The following DLGAP2 variants were observed in gnomAD, a reference collection of about 807,000 sequenced individuals.
The protein encoded by DLGAP2 is DLG associated protein 2, also known as disks large-associated protein 2.
A neutral mutation model predicts 100.3 loss-of-function variants in DLGAP2; 26 were observed. The observed-to-expected ratio is 0.26, with a 90% CI of 0.19 to 0.36. The LOEUF is 0.36. Among genes scored for constraint, DLGAP2 ranks in the 10% least tolerant of loss-of-function variants. The pLI is 1.00. For synonymous variants in DLGAP2, 886 were observed against 630.1 expected (o/e 1.41, Z -6.08); for missense variants, 1,858 against 1,453.2 (o/e 1.28, Z -4.53).
chr8:1,346,762 G>C (rs1046348450), intron 3 of DLGAP2, among the ~76,000 whole-genome samples: 7 of 141,898 alleles, frequency 4.9e-5, no homozygotes, highest in Non-Finnish European at 1.5e-5. Flanking sequence ...GCTGTGTGGA[G>C]GTTGAGTTCC....
intron 4 of DLGAP2, among the ~76,000 whole-genome samples, chr8:1,514,175 G>A (rs537044005): frequency 1.6e-4 from 24 of 152,380 alleles, no homozygotes; most frequent in African/African-American, 5.3e-4. Flanking sequence ...AATTCACAGT[G>A]ACGGGAAAGA....
intron 3 of DLGAP2, among the ~76,000 whole-genome samples, chr8:1,305,333 T>C (rs762828563): frequency 2.0e-4 from 31 of 152,368 alleles, no homozygotes; most frequent in Middle Eastern, 3.4e-3. Context: ...ATTGTGGGGC[T>C]ACTGAAGCTA....
chr8:1,595,308 A>T (rs1203658904), intron 6 of DLGAP2, among the ~76,000 whole-genome samples: 2 of 152,016 alleles, frequency 1.3e-5, no homozygotes, highest in African/African-American at 4.8e-5. Flanking sequence ...TAACATAAAT[A>T]ACATACAAAA....
chr8:1,697,038 C>A, intron 13 of DLGAP2, 109 bp from the exon 14 acceptor site: 1 of 1,205,226 alleles, frequency 8.3e-7, no homozygotes, highest in South Asian at 2.1e-5. Flanking sequence ...ATTAGCCAGG[C>A]TTCTCCCTAA....
At chr8:1,294,338 G>C (rs1434545085) in intron 3 of DLGAP2, among the ~76,000 whole-genome samples, 1 of 152,172 alleles carries the variant, frequency 6.6e-6, no homozygotes, top group Non-Finnish European at 1.5e-5. Context: ...CCTCGGAGAA[G>C]CCAGATTGTG....
intron 13 of DLGAP2, among the ~76,000 whole-genome samples, chr8:1,695,681 G>A (rs1799380325): frequency 6.6e-6 from 1 of 152,256 alleles, no homozygotes; most frequent in Non-Finnish European, 1.5e-5. Flanking sequence ...AGAAAGAGGG[G>A]ATGTTCTTAG....
Position 1,633,046 on chromosome 8 carries a change from G to T in DLGAP2, c.1810G>T (p.Ala604Ser). The T allele has an allele frequency of 6.2e-7, 1 of 1,613,940 alleles. No individual in the cohort carries two copies. Among genetic ancestry groups the T allele is most frequent in the Non-Finnish European group, 8.5e-7 (1 of 1,179,892 alleles). Residue 604 changes from alanine (A) to serine (S), a missense_variant and splice_region_variant, in exon 8 of 15, where the codon GCT becomes TCT. Physicochemically the swap from Ala to Ser is moderately conservative, Grantham distance 99 (BLOSUM62 1). Coordinates refer to ENST00000637795, the MANE Select transcript of DLGAP2 (RefSeq NM_001346810.2). The part of the protein sequence containing the change: ...DITSTIRSTA[A>S]VSYTNYKKTP... ...CACCTCCACCATCAGGTCAACAGCA[G>T]GTAAGGGGACGCCATTTTCAGCCTT...
intron 2 of DLGAP2, among the ~76,000 whole-genome samples, chr8:968,612 T>C (rs73673039): frequency 0.035 from 5,328 of 152,222 alleles, 279 homozygotes; most frequent in African/African-American, 0.12. Flanking sequence ...GCATCCTCAG[T>C]TGGGAGGGCT....
intron 2 of DLGAP2, among the ~76,000 whole-genome samples, chr8:1,146,125 C>G (rs1796601744): frequency 6.6e-6 from 1 of 152,178 alleles, no homozygotes; most frequent in Admixed American, 6.5e-5. Context: ...CAGGAGGGCG[C>G]CTGCCACACA....
At chr8:1,519,395 C>A (rs7831798) in intron 4 of DLGAP2, among the ~76,000 whole-genome samples, 107,097 of 151,848 alleles carry the variant, frequency 0.71, 38,117 homozygotes, top group South Asian at 0.82. Context: ...GTGTTTTGCA[C>A]GACAAGTTCA....
intron 2 of DLGAP2, among the ~76,000 whole-genome samples, chr8:1,011,163 G>C (rs1397438995): frequency 6.6e-6 from 1 of 150,780 alleles, no homozygotes; most frequent in Non-Finnish European, 1.5e-5. Flanking sequence ...GGAATGAGGG[G>C]TCTTAGTCTA....
At chr8:880,336 C>G (rs1797763439) in intron 1 of DLGAP2, among the ~76,000 whole-genome samples, 2 of 152,230 alleles carry the variant, frequency 1.3e-5, no homozygotes, top group Non-Finnish European at 2.9e-5. Context: ...TGTAGATGTG[C>G]TTCTGTCTCA....
chr8:1,094,266 A>C (rs1804293376), intron 2 of DLGAP2, among the ~76,000 whole-genome samples: 1 of 152,226 alleles, frequency 6.6e-6, no homozygotes, highest in South Asian at 2.1e-4. Flanking sequence ...AGCTTTCAGC[A>C]ACTGAAGGCT....
chr8:1,175,410 T>C (rs1797232196), intron 2 of DLGAP2, among the ~76,000 whole-genome samples: 1 of 152,208 alleles, frequency 6.6e-6, no homozygotes, highest in African/African-American at 2.4e-5. Context: ...ATTACCATCA[T>C]AGTTGTGACT....
At chr8:954,885 T>C (rs1304499810) in intron 2 of DLGAP2, among the ~76,000 whole-genome samples, 2 of 152,210 alleles carry the variant, frequency 1.3e-5, no homozygotes, top group African/African-American at 4.8e-5. Context: ...GTTAGTTTGC[T>C]GTGTCTAATA....
At chr8:1,690,562 G>A (rs1799232637) in intron 12 of DLGAP2, among the ~76,000 whole-genome samples, 1 of 151,564 alleles carries the variant, frequency 6.6e-6, no homozygotes, top group South Asian at 2.1e-4. Context: ...AAATTAGCCA[G>A]GCATGGTGGC....
intron 8 of DLGAP2, among the ~76,000 whole-genome samples, chr8:1,635,509 C>T (rs893188580): frequency 7.9e-5 from 12 of 152,040 alleles, no homozygotes; most frequent in Admixed American, 3.3e-4. Flanking sequence ...TGTATGTGTG[C>T]GTGTGTGGTG....
intron 2 of DLGAP2, among the ~76,000 whole-genome samples, chr8:1,004,758 C>T (rs1801057718): frequency 1.3e-5 from 2 of 152,334 alleles, no homozygotes; most frequent in South Asian, 2.1e-4. Flanking sequence ...TAGGTCGAGC[C>T]CTGTCTTCAC....
At chr8:1,199,613 C>A (rs56128685) in intron 2 of DLGAP2, among the ~76,000 whole-genome samples, 15,017 of 152,074 alleles carry the variant, frequency 0.099, 815 homozygotes, top group East Asian at 0.17. Flanking sequence ...GAGCCAAACT[C>A]ATGCCAGCCA....
Sources: allele counts gnomAD v4.1 joint callset (sites outside exome capture counted in the v4.1 genomes callset), GRCh38; gene constraint gnomAD v4.1.1; transcripts MANE v1.5; gene names NCBI Gene and HGNC (gene_info 2026-07-23, HGNC 2026-07-21).